The following ANKRD30A variants were observed in gnomAD, a reference collection of about 807,000 sequenced individuals.
ANKRD30A encodes the protein ankyrin repeat domain-containing protein 30A.
A neutral mutation model predicts 166.3 loss-of-function variants in ANKRD30A; 170 were observed. The ratio of observed to expected loss-of-function variants is 1.02; its 90% CI spans 0.90 to 1.16. The LOEUF (loss-of-function observed/expected upper bound fraction) is 1.16, where lower values mean the gene tolerates loss of function less well. Among genes scored for constraint, ANKRD30A ranks in the 50% most tolerant of loss-of-function variants. The pLI is 0.00. For missense variants in ANKRD30A, 1,630 were observed against 1,518.0 expected (o/e 1.07, Z -1.23); for synonymous variants, 564 against 508.9 (o/e 1.11, Z -1.46).
In ANKRD30A at chr10:37,149,866, A is replaced by G. The variant is rs1191316654; in HGVS notation, c.1645+17A>G. 4 of 1,612,058 alleles carry G rather than the reference A, an allele frequency of 2.5e-6. No homozygotes were observed. The African/African-American group carries it at 5.3e-5, about 22-fold the overall frequency. On this transcript the variant is annotated intron_variant, in intron 11 of 35. Coordinates refer to ENST00000361713, the MANE Select transcript of ANKRD30A (RefSeq NM_052997.3). ...TGAGAGCAGGTAAATTTTTCAATTT[A>G]ACTATGCAAAGACGAATATTTCAAT...
chr10:37,259,056 A>G, the ANKRD30A span, among the ~76,000 whole-genome samples: 1 of 151,986 alleles, frequency 6.6e-6, no homozygotes, highest in Non-Finnish European at 1.5e-5. Context: ...GCAAGACTAA[A>G]TAAGCATTAA....
At chr10:37,203,078 C>G (rs1028214919) in intron 31 of ANKRD30A, among the ~76,000 whole-genome samples, 1 of 152,158 alleles carries the variant, frequency 6.6e-6, no homozygotes. Context: ...TGATACCATT[C>G]CTTCTGAAAT....
intron 29 of ANKRD30A, among the ~76,000 whole-genome samples, chr10:37,198,731 T>A (rs1841370174): frequency 6.6e-6 from 1 of 152,136 alleles, no homozygotes; most frequent in African/African-American, 2.4e-5. Context: ...AGCTATGCTG[T>A]GATCACAAGT....
In ANKRD30A at chr10:37,231,622, T is replaced by C; in HGVS notation, c.*153T>C. ...ATACTTATTTTAGAAGAAAAATTCATGATTTCTTCCTGAAGCCTACAGACA... is the reference window on the plus strand; with the variant it reads ...ATACTTATTTTAGAAGAAAAATTCACGATTTCTTCCTGAAGCCTACAGACA... On this transcript the variant is annotated 3_prime_UTR_variant, in exon 35 of 36. Transcript: ENST00000361713. 1 of 485,774 alleles carries C rather than the reference T, an allele frequency of 2.1e-6. No individual in the cohort carries two copies. Among genetic ancestry groups the C allele is most frequent in the Non-Finnish European group, 3.5e-6 (1 of 285,440 alleles). 30.1% of individuals were successfully genotyped at this position (485,774 alleles called of 1,614,324 possible). A position where few individuals can be genotyped will look rare whatever the true frequency, so the allele number is the denominator to read the frequency against.
chr10:37,145,474 T>G (rs77980889), intron 8 of ANKRD30A, among the ~76,000 whole-genome samples: 1 of 130,806 alleles, frequency 7.6e-6, no homozygotes, highest in Admixed American at 7.7e-5. Flanking sequence ...CCAGTCTGGG[T>G]GACAGAGTGA....
chr10:37,248,579 C>G, the ANKRD30A span, among the ~76,000 whole-genome samples: 1 of 152,066 alleles, frequency 6.6e-6, no homozygotes, highest in Non-Finnish European at 1.5e-5. Context: ...ATCACACAGC[C>G]CTGCATGGAG....
intron 31 of ANKRD30A, among the ~76,000 whole-genome samples, chr10:37,209,940 A>T (rs1842197800): frequency 6.6e-6 from 1 of 152,102 alleles, no homozygotes; most frequent in African/African-American, 2.4e-5. Context: ...TGCCAGAATC[A>T]GTATACTGTC....
chr10:37,159,915 G>C (rs1838719407), intron 15 of ANKRD30A, among the ~76,000 whole-genome samples: 1 of 152,092 alleles, frequency 6.6e-6, no homozygotes, highest in Non-Finnish European at 1.5e-5. Context: ...AGGATGGTCT[G>C]ATCCGGATCT....
chr10:37,232,694 A>AG (rs1491346697), downstream of ANKRD30A: 280 of 13,522 alleles, frequency 0.021, 7 homozygotes, highest in African/African-American at 0.048. Flanking sequence ...ATATATATAT[A>AG]AATAGAGAGA....
the ANKRD30A span, among the ~76,000 whole-genome samples, chr10:37,264,136 A>G: frequency 9.2e-5 from 14 of 152,214 alleles, no homozygotes; most frequent in Non-Finnish European, 1.8e-4. Context: ...AAAATGATCA[A>G]TAAAAACATA....
chr10:37,221,776 T>C (rs1048435094), intron 34 of ANKRD30A, among the ~76,000 whole-genome samples: 2 of 151,292 alleles, frequency 1.3e-5, no homozygotes, highest in African/African-American at 4.8e-5. Context: ...TTTCAGTGAT[T>C]TATGTTACCA....
chr10:37,208,144 A>T (rs1211868870), intron 31 of ANKRD30A, among the ~76,000 whole-genome samples: 2 of 152,032 alleles, frequency 1.3e-5, no homozygotes, highest in Non-Finnish European at 2.9e-5. Flanking sequence ...ATTCATGACC[A>T]CTCAGGACAT....
intron 15 of ANKRD30A, among the ~76,000 whole-genome samples, chr10:37,159,759 G>T (rs140956525): frequency 4.0e-5 from 6 of 151,844 alleles, no homozygotes; most frequent in Admixed American, 1.3e-4. Flanking sequence ...GCCATGGCGC[G>T]ATCTCGGCTC....
Position 37,149,670 on chromosome 10 carries a change from T to C in ANKRD30A, c.1563T>C (p.Ser521=). The C allele has an allele frequency of 1.2e-6, 2 of 1,612,622 alleles. No individual in the cohort carries two copies. Among genetic ancestry groups the C allele is most frequent in the Non-Finnish European group, 1.7e-6 (2 of 1,178,942 alleles). Residue 521 remains serine (S), a synonymous_variant, in exon 10 of 36, where the codon TCT becomes TCC. Transcript: ENST00000361713. ...TTTTAGAGCCTCCTAAGAAGCCATC[T>C]GCCTTCAAGGTATTTAGTTTTATTA... ...REVEEPPKKP[S]AFKPAIEMQN... is the part of the protein sequence containing the mutation.
intron 8 of ANKRD30A, among the ~76,000 whole-genome samples, chr10:37,147,165 T>C: frequency 6.6e-6 from 1 of 152,266 alleles, no homozygotes; most frequent in Non-Finnish European, 1.5e-5. Context: ...ACCGAGTCAA[T>C]AGCTGCATGA....
At chr10:37,130,117 T>G (rs1836288482) in intron 2 of ANKRD30A, 88 bp from the exon 3 acceptor site, 2 of 1,158,104 alleles carry the variant, frequency 1.7e-6, no homozygotes. Context: ...TGTGGAATAT[T>G]TATTTTGATT....
At chr10:37,259,566 A>G in the ANKRD30A span, among the ~76,000 whole-genome samples, 5 of 152,256 alleles carry the variant, frequency 3.3e-5, no homozygotes, top group African/African-American at 1.2e-4. Context: ...ATTATTTGTC[A>G]TAGTCAAGAG....
At chr10:37,155,050 T>A (rs1392374692) in intron 13 of ANKRD30A, among the ~76,000 whole-genome samples, 1 of 152,144 alleles carries the variant, frequency 6.6e-6, no homozygotes, top group African/African-American at 2.4e-5. Flanking sequence ...AAAACCTCAT[T>A]AGCAAATAAC....
intron 34 of ANKRD30A, among the ~76,000 whole-genome samples, chr10:37,227,456 GT>G (rs1012976871): frequency 7.2e-5 from 11 of 151,952 alleles, no homozygotes; most frequent in African/African-American, 2.4e-4. Flanking sequence ...GTGCAGGTCT[GT>G]TTTTGGATTC....
Sources: allele counts gnomAD v4.1 joint callset (sites outside exome capture counted in the v4.1 genomes callset), GRCh38; gene constraint gnomAD v4.1.1; transcripts MANE v1.5; gene names NCBI Gene and HGNC (gene_info 2026-07-23, HGNC 2026-07-21).